Variants in DSCAM observed in about 807,000 individuals in gnomAD.
The protein encoded by DSCAM is DS cell adhesion molecule, also known as cell adhesion molecule DSCAM.
A neutral mutation model predicts 217.7 loss-of-function variants in DSCAM; 47 were observed. That is an observed-to-expected ratio of 0.22 (90% CI 0.17 to 0.28). The LOEUF (loss-of-function observed/expected upper bound fraction) is 0.28, where lower values mean the gene tolerates loss of function less well. DSCAM is among the 10% of genes least tolerant of loss of function. The pLI is 1.00. For synonymous variants in DSCAM, 1,056 were observed against 1,015.3 expected (o/e 1.04, Z -0.76); for missense variants, 2,080 against 2,618.3 (o/e 0.79, Z 4.49).
At chr21:40,608,453 C>T (rs561263227) in intron 3 of DSCAM, among the ~76,000 whole-genome samples, 42 of 152,216 alleles carry the variant, frequency 2.8e-4, no homozygotes, top group African/African-American at 9.2e-4. Flanking sequence ...ATTTCCTAAA[C>T]GGTGTTCTAA....
chr21:40,486,724 T>C (rs2076031535), intron 3 of DSCAM, among the ~76,000 whole-genome samples: 1 of 152,220 alleles, frequency 6.6e-6, no homozygotes, highest in Non-Finnish European at 1.5e-5. Flanking sequence ...AAACTGATAT[T>C]TGAAGAACCT....
In DSCAM at chr21:40,793,743, G is replaced by T. The variant is rs572981203; in HGVS notation, c.43+52876C>A. Among the ~76,000 whole-genome samples the T allele has an allele frequency of 2.8e-3, 433 of 152,092 alleles. 3 individuals carry two copies. Among genetic ancestry groups the T allele is most frequent in the Non-Finnish European group, 3.7e-3 (250 of 67,980 alleles). On this transcript the variant is annotated intron_variant, in intron 1 of 32. Transcript: ENST00000400454. Reference sequence around the variant, plus strand: ...TGACCTCAGGTGATTCACCTGCCTCGGCCTCCCAAAGTGCTGGGATTACAG... The same window carrying T: ...TGACCTCAGGTGATTCACCTGCCTCTGCCTCCCAAAGTGCTGGGATTACAG...
Position 40,093,721 on chromosome 21 carries a change from C to T in DSCAM, c.3850G>A (p.Ala1284Thr), listed in dbSNP as rs960653908. The T allele has an allele frequency of 6.2e-7, 1 of 1,613,816 alleles. No homozygotes were observed. The highest frequency in any genetic ancestry group is 8.5e-7 in the Non-Finnish European group (1 of 1,179,910). ...TGAGGTCCTTATAGCCACTGCCTAC[C>T]TTTTGCTAGTGGCTCGACTGTGATG... ...EIITVEPLAK[A>T]PARILTFSGT... The change falls in exon 21 of 33, where the codon GCT (alanine) becomes ACT (threonine). Residue 1284 changes from alanine to threonine, a missense_variant and splice_region_variant. By Grantham distance (58) the Ala-to-Thr change is moderately conservative. Around this residue, in one of 5 missense-constraint regions of DSCAM, gnomAD observed 1,144 missense variants for 1,421.1 expected, o/e 0.81. Transcript: ENST00000400454.
chr21:40,760,004 T>C (rs983538070), intron 1 of DSCAM, among the ~76,000 whole-genome samples: 6 of 133,204 alleles, frequency 4.5e-5, no homozygotes, highest in Admixed American at 7.5e-5. Flanking sequence ...TATTTATTTA[T>C]TTATTTATGA....
intron 20 of DSCAM, among the ~76,000 whole-genome samples, chr21:40,100,575 C>T (rs1230126646): frequency 6.6e-6 from 1 of 151,290 alleles, no homozygotes; most frequent in Non-Finnish European, 1.5e-5. Flanking sequence ...GAAGGGATCA[C>T]TTTGATTTCC....
intron 3 of DSCAM, among the ~76,000 whole-genome samples, chr21:40,640,625 G>C (rs1053151467): frequency 6.6e-6 from 1 of 152,166 alleles, no homozygotes; most frequent in African/African-American, 2.4e-5. Context: ...GGAGATTCTG[G>C]GATGCTGGCG....
intron 3 of DSCAM, among the ~76,000 whole-genome samples, chr21:40,622,493 A>G (rs2089534669): frequency 6.6e-6 from 1 of 152,028 alleles, no homozygotes; most frequent in East Asian, 1.9e-4. Context: ...TTTTGACTCC[A>G]TTTGCATATT....
chr21:40,829,824 G>A (rs1405066959), intron 1 of DSCAM, among the ~76,000 whole-genome samples: 1 of 152,194 alleles, frequency 6.6e-6, no homozygotes, highest in Non-Finnish European at 1.5e-5. Context: ...ACAAGTGCTT[G>A]GCAATGTTTT....
chr21:40,560,040 G>A (rs2076707817), intron 3 of DSCAM, among the ~76,000 whole-genome samples: 2 of 152,074 alleles, frequency 1.3e-5, no homozygotes, highest in Non-Finnish European at 2.9e-5. Flanking sequence ...TGATCCGCCC[G>A]CCTTGGCCTC....
Position 40,353,709 on chromosome 21 carries a change from C to T in DSCAM, c.690G>A (p.Gly230=), listed in dbSNP as rs773789362. ...PANSAPSILD[G]FDHRKAMAGQ... ...CAGCCATGGCTTTGCGATGGTCAAACCCATCCAGTATGGATGGGGCTGAGT... is the reference window on the plus strand; with the variant it reads ...CAGCCATGGCTTTGCGATGGTCAAATCCATCCAGTATGGATGGGGCTGAGT... The change falls in exon 5 of 33, where the codon GGG becomes GGA. Residue 230 remains glycine (G), a synonymous_variant. Transcript: ENST00000400454. 3 of 1,596,312 alleles carry T rather than the reference C, an allele frequency of 1.9e-6. No homozygotes were observed. Among genetic ancestry groups the T allele is most frequent in the Middle Eastern group, 1.7e-4 (1 of 5,984 alleles).
rs192188710 is a variant in DSCAM, at chr21:40,362,772, A to G, written c.655+6327T>C. 6.6e-5 allele frequency among the ~76,000 whole-genome samples: 10 copies of G among 152,310 alleles called. No homozygotes were observed. The East Asian group carries it at 1.9e-3, about 29-fold the overall frequency. The stretch of plus-strand genomic sequence containing the variant: ...GCCCTGGTTTCTACTATGCAGACCA[A>G]TAAGATTCTTCTTTCTTTCTTTATA... On this transcript the variant is annotated intron_variant, in intron 4 of 32. Transcript: ENST00000400454.
chr21:40,649,391 C>T (rs2089987550), intron 3 of DSCAM, among the ~76,000 whole-genome samples: 1 of 152,212 alleles, frequency 6.6e-6, no homozygotes, highest in Non-Finnish European at 1.5e-5. Flanking sequence ...GACCACACCA[C>T]CACCACAGCC....
chr21:40,748,769 G>T (rs9976103), intron 1 of DSCAM, among the ~76,000 whole-genome samples: 117,224 of 152,008 alleles, frequency 0.77, 45,339 homozygotes, highest in African/African-American at 0.82. Flanking sequence ...AGATCCTGGA[G>T]AGCTAAAGGA....
At chr21:40,710,049 G>C (rs2090761933) in intron 1 of DSCAM, among the ~76,000 whole-genome samples, 1 of 152,110 alleles carries the variant, frequency 6.6e-6, no homozygotes, top group East Asian at 1.9e-4. Flanking sequence ...GCATGAGATG[G>C]TATCTCATTG....
intron 30 of DSCAM, among the ~76,000 whole-genome samples, chr21:40,051,084 T>G (rs2088923301): frequency 6.6e-6 from 1 of 152,256 alleles, no homozygotes; most frequent in African/African-American, 2.4e-5. Context: ...TTATGAAGAA[T>G]AGCTTTTAAC....
Position 40,311,933 on chromosome 21 carries a change from ATTTTTTTT to A in DSCAM, c.2062+140_2062+147del, listed in dbSNP as rs34579385. 4.5e-4 allele frequency: 91 copies of A among 202,456 alleles called. 1 individual carries two copies. The highest frequency in any genetic ancestry group is 3.6e-3 in the Admixed American group (41 of 11,378). The allele number at this position is 202,456 out of a possible 1,614,324, so 12.5% of individuals were successfully genotyped here. A position where few individuals can be genotyped will look rare whatever the true frequency, so the allele number is the denominator to read the frequency against. ...AATTCATGGTTGGGTTTAGAGTCGTATTTTTTTTTTTTTTTTTTTTTTTTTTTAGTGAG... is the reference window on the plus strand; with the variant it reads ...AATTCATGGTTGGGTTTAGAGTCGTATTTTTTTTTTTTTTTTTTTAGTGAG... On this transcript the variant is annotated intron_variant, in intron 9 of 32. Transcript: ENST00000400454.
chr21:40,127,553 A>G (rs2146677011), intron 19 of DSCAM, among the ~76,000 whole-genome samples: 1 of 152,276 alleles, frequency 6.6e-6, no homozygotes, highest in South Asian at 2.1e-4. Flanking sequence ...TCTCTTCTAC[A>G]TTCCTCCAAT....
At chr21:40,584,245 T>A (rs867890559) in intron 3 of DSCAM, among the ~76,000 whole-genome samples, 34 of 152,232 alleles carry the variant, frequency 2.2e-4, no homozygotes, top group Middle Eastern at 3.2e-3. Flanking sequence ...GAAGCACCAG[T>A]AACTCCAGTT....
chr21:40,284,030 A>T (rs144431059), intron 10 of DSCAM, among the ~76,000 whole-genome samples: 1 of 152,326 alleles, frequency 6.6e-6, no homozygotes, highest in African/African-American at 2.4e-5. Context: ...GTTTTCCTCA[A>T]GAATGCATTT....
Sources: allele counts gnomAD v4.1 joint callset (sites outside exome capture counted in the v4.1 genomes callset), GRCh38; gene constraint gnomAD v4.1.1; regional missense constraint gnomAD v4.1.1; transcripts MANE v1.5; gene names NCBI Gene and HGNC (gene_info 2026-07-23, HGNC 2026-07-21).